The following KYAT3 variants were observed in gnomAD, a reference collection of about 807,000 sequenced individuals.
The protein encoded by KYAT3 is kynurenine aminotransferase 3.
Under a neutral mutation model 59.0 loss-of-function variants are expected in KYAT3, and 50 were observed. That is an observed-to-expected ratio of 0.85 (90% CI 0.68 to 1.07). KYAT3 has a LOEUF of 1.07. Ranked by LOEUF, KYAT3 falls within the 50% of genes least tolerant of loss-of-function variation. The probability of loss-of-function intolerance (pLI) is 0.00; values close to 1 mark genes in which losing one functional copy is unlikely to be tolerated. For synonymous variants in KYAT3, 148 were observed against 177.0 expected, an observed-to-expected ratio of 0.84 and a Z score of 1.30; for missense variants, 497 against 533.3, an observed-to-expected ratio of 0.93 and a Z score of 0.67.
intron 8 of KYAT3, among the ~76,000 whole-genome samples, chr1:88,960,059 A>G (rs1472184566): frequency 6.9e-6 from 1 of 145,524 alleles, no homozygotes; most frequent in Admixed American, 6.8e-5. Context: ...TCAGCCTCCA[A>G]GTAGCTGCGA....
downstream of KYAT3, chr1:88,935,628 C>G (rs1325312978): frequency 1.7e-5 from 3 of 179,348 alleles, no homozygotes; most frequent in Non-Finnish European, 3.5e-5. Context: ...AACAGCAGTA[C>G]TTGGGGTATG....
Position 88,943,338 on chromosome 1 carries a change from AATAAAC to A in KYAT3, c.1215+6_1215+11del. On this transcript the variant is annotated splice_donor_region_variant and intron_variant, in intron 12 of 13. Coordinates refer to ENST00000260508, the MANE Select transcript of KYAT3 (RefSeq NM_001008661.3). ...AATATAACAGAATCTTGCAAAGAAC[AATAAAC>A]ATTACCTTATGTTTAGTCATCCATT... 1 of 1,435,376 alleles carries A rather than the reference AATAAAC, an allele frequency of 7.0e-7. No individual in the cohort carries two copies. The highest frequency in any genetic ancestry group is 9.7e-7 in the Non-Finnish European group (1 of 1,030,850). 88.9% of individuals were successfully genotyped at this position (1,435,376 alleles called of 1,614,324 possible). A position where few individuals can be genotyped will look rare whatever the true frequency, so the allele number is the denominator to read the frequency against.
At chr1:88,959,268 CCT>C (rs1259380696) in intron 8 of KYAT3, among the ~76,000 whole-genome samples, 1 of 147,358 alleles carries the variant, frequency 6.8e-6, no homozygotes, top group Non-Finnish European at 1.5e-5. Flanking sequence ...ACAGCGAGAC[CCT>C]GTCTCTTAAA....
intron 2 of KYAT3, chr1:88,982,897 A>G: frequency 6.2e-7 from 1 of 1,614,026 alleles, no homozygotes; most frequent in Non-Finnish European, 8.5e-7. Flanking sequence ...TATAATCATC[A>G]TAGCGACTGC....
At chr1:88,944,493 A>C (rs1675362984) in intron 11 of KYAT3, among the ~76,000 whole-genome samples, 1 of 152,196 alleles carries the variant, frequency 6.6e-6, no homozygotes, top group Non-Finnish European at 1.5e-5. Context: ...TTTATTGAAC[A>C]CTTCTTATTG....
chr1:88,984,951 A>G (rs995207151), intron 2 of KYAT3, among the ~76,000 whole-genome samples: 1 of 152,188 alleles, frequency 6.6e-6, no homozygotes, highest in African/African-American at 2.4e-5. Flanking sequence ...TGGTTACTTC[A>G]TATCACATGA....
intron 11 of KYAT3, among the ~76,000 whole-genome samples, chr1:88,945,896 T>TA (rs1175204347): frequency 6.6e-6 from 1 of 152,064 alleles, no homozygotes; most frequent in African/African-American, 2.4e-5. Context: ...AGGAAGACCA[T>TA]AAAAAAAATC....
chr1:88,938,624 A>C (rs1037875769), intron 13 of KYAT3, among the ~76,000 whole-genome samples: 1 of 152,148 alleles, frequency 6.6e-6, no homozygotes, highest in African/African-American at 2.4e-5. Context: ...CTTATAAGAG[A>C]GAACATGTGA....
In KYAT3 at chr1:88,961,180, C is replaced by G; in HGVS notation, c.774G>C (p.Lys258Asn). The G allele has an allele frequency of 6.2e-7, 1 of 1,613,370 alleles. No individual in the cohort carries two copies. ...TATAGTTGGTACCTATTTTTAAGTG[C>G]TTATTTCCAGAATATACAAGCCATT... ...VYEWLVYSGNKHLKIATFPGM... is the reference protein window; with the variant it reads ...VYEWLVYSGNNHLKIATFPGM... The change falls in exon 8 of 14, where the codon AAG becomes AAC. Residue 258 changes from lysine to asparagine, a missense_variant. Around this residue, in one of 2 missense-constraint regions of KYAT3, gnomAD observed 469 missense variants for 479.1 expected, o/e 0.98. Transcript: ENST00000260508.
chr1:88,939,886 C>T (rs1675172418), intron 13 of KYAT3, among the ~76,000 whole-genome samples: 1 of 152,014 alleles, frequency 6.6e-6, no homozygotes, highest in Non-Finnish European at 1.5e-5. Flanking sequence ...TCCCTGAATT[C>T]GTAAAATCTC....
In KYAT3 at chr1:88,943,441, A is replaced by G. The variant is rs755227155; in HGVS notation, c.1142-18T>C. On this transcript the variant is annotated intron_variant, in intron 11 of 13. Coordinates refer to ENST00000260508, the MANE Select transcript of KYAT3 (RefSeq NM_001008661.3). The stretch of plus-strand genomic sequence containing the variant: ...GTCTGGATCTAAAACCACAATGAAA[A>G]TTAGGTGGCCTATGAATTTCATCTG... The G allele has an allele frequency of 7.3e-7, 1 of 1,367,132 alleles. No homozygotes were observed. The highest frequency in any genetic ancestry group is 1.0e-6 in the Non-Finnish European group (1 of 980,532). 84.7% of individuals were successfully genotyped at this position (1,367,132 alleles called of 1,614,324 possible). A position where few individuals can be genotyped will look rare whatever the true frequency, so the allele number is the denominator to read the frequency against.
the KYAT3 span, among the ~76,000 whole-genome samples, chr1:88,927,170 A>C: frequency 5.9e-5 from 9 of 152,204 alleles, no homozygotes; most frequent in African/African-American, 2.2e-4. Context: ...TCAGAAAATG[A>C]CTAGGGGTGC....
At chr1:88,962,016 A>C (rs1486620212) in intron 6 of KYAT3, 43 bp downstream of exon 6, 1 of 1,374,922 alleles carries the variant, frequency 7.3e-7, no homozygotes, top group Non-Finnish European at 1.0e-6. Context: ...AAGACTTCTT[A>C]AGTCTTGAAA....
At chr1:88,985,076 A>G (rs1245882825) in intron 2 of KYAT3, among the ~76,000 whole-genome samples, 1 of 152,258 alleles carries the variant, frequency 6.6e-6, no homozygotes, top group Non-Finnish European at 1.5e-5. Flanking sequence ...CTTATTGGAA[A>G]CAAGGCTTTC....
chr1:88,938,962 T>A (rs12088821), intron 13 of KYAT3, among the ~76,000 whole-genome samples: 2 of 152,130 alleles, frequency 1.3e-5, no homozygotes, highest in African/African-American at 4.8e-5. Context: ...CTTGTAGAGG[T>A]AGAATTGTTG....
chr1:88,963,423 G>C (rs181350122), intron 5 of KYAT3, among the ~76,000 whole-genome samples: 38 of 152,240 alleles, frequency 2.5e-4, no homozygotes, highest in African/African-American at 5.8e-4. Flanking sequence ...CATAGTGAAG[G>C]GAATCAAAGT....
chr1:88,963,801 A>T (rs1265588792), intron 5 of KYAT3, among the ~76,000 whole-genome samples: 1 of 152,262 alleles, frequency 6.6e-6, no homozygotes, highest in East Asian at 1.9e-4. Context: ...AAGTAAGGCT[A>T]TTGGAATGCT....
Position 88,935,957 on chromosome 1 carries a change from CTT to C in KYAT3, c.*224_*225del. ...TCTTATCCACTATGTTATGCTGACT[CTT>C]ATAAAATGATTGTGGAAGGTGTGTT... is the stretch of plus-strand genomic sequence containing the variant. On this transcript the variant is annotated 3_prime_UTR_variant, in exon 14 of 14. Transcript: ENST00000260508. 2.1e-6 allele frequency: 1 copy of C among 472,732 alleles called. No homozygotes were observed. 29.3% of individuals were successfully genotyped at this position (472,732 alleles called of 1,614,324 possible). A position where few individuals can be genotyped will look rare whatever the true frequency, so the allele number is the denominator to read the frequency against.
intron 8 of KYAT3, among the ~76,000 whole-genome samples, chr1:88,960,382 TAAAAC>T (rs1676094618): frequency 6.6e-6 from 1 of 151,888 alleles, no homozygotes; most frequent in Admixed American, 6.6e-5. Context: ...CAGAAGAGAC[TAAAAC>T]AAACAAAATC....
Sources: gnomAD v4.1 joint callset for allele counts (sites outside exome capture counted in the v4.1 genomes callset) on GRCh38, gnomAD v4.1.1 for gene constraint, gnomAD v4.1.1 regional missense constraint, MANE v1.5 for transcripts, NCBI Gene and HGNC (gene_info 2026-07-23, HGNC 2026-07-21) for gene names.